Variants in HOOK1 observed in about 807,000 individuals in gnomAD.
The protein encoded by HOOK1 is protein Hook homolog 1.
Under a neutral mutation model 112.8 loss-of-function variants are expected in HOOK1, and 60 were observed. The ratio of observed to expected loss-of-function variants is 0.53; its 90% confidence interval spans 0.43 to 0.66. The LOEUF is 0.66. HOOK1 is among the 30% of genes least tolerant of loss of function. The probability of loss-of-function intolerance (pLI) is 0.00; values close to 1 mark genes in which losing one functional copy is unlikely to be tolerated. For missense variants in HOOK1, 770 were observed against 856.0 expected (o/e 0.90, Z 1.25); for synonymous variants, 294 against 283.8 (o/e 1.04, Z -0.36).
At chr1:59,848,619 G>A (rs762990572) in intron 11 of HOOK1, 103 bp downstream of exon 11, 86 of 751,112 alleles carry the variant, frequency 1.1e-4, no homozygotes, top group Non-Finnish European at 1.8e-4. Context: ...AGCGTTGCAT[G>A]TAATAAGCTA....
intron 10 of HOOK1, among the ~76,000 whole-genome samples, chr1:59,847,666 A>T (rs1010204480): frequency 6.6e-6 from 1 of 151,584 alleles, no homozygotes; most frequent in African/African-American, 2.4e-5. Context: ...GTGAAATGTT[A>T]CTCAGTGAAC....
At chr1:59,858,570 A>G in intron 13 of HOOK1, 55 bp downstream of exon 13, 2 of 1,148,992 alleles carry the variant, frequency 1.7e-6, no homozygotes, top group South Asian at 1.2e-5. Flanking sequence ...GTGGGACTCC[A>G]TTCAACAAAA....
rs758806053 is a variant in HOOK1 at position 59,865,256 on chromosome 1, G to A, written c.1744+11G>A. On this transcript the variant is annotated intron_variant, in intron 18 of 21. Transcript: ENST00000371208. The stretch of plus-strand genomic sequence containing the variant: ...ATATAAATCAAAATGGTAGGTATCT[G>A]TGAAAACTTGGATCAGACAACAGTA... 2.0e-6 allele frequency: 3 copies of A among 1,526,382 alleles called. No homozygotes were observed. The highest frequency in any genetic ancestry group is 1.8e-6 in the Non-Finnish European group (2 of 1,100,556). 94.6% of individuals were successfully genotyped at this position (1,526,382 alleles called of 1,614,324 possible). A position where few individuals can be genotyped will look rare whatever the true frequency, so the allele number is the denominator to read the frequency against.
chr1:59,817,491 T>C (rs1447336586), intron 1 of HOOK1, among the ~76,000 whole-genome samples: 1 of 152,224 alleles, frequency 6.6e-6, no homozygotes, highest in African/African-American at 2.4e-5. Context: ...GTCTTTTTTT[T>C]TTAATTAACT....
In HOOK1 at chr1:59,832,148, T is replaced by C. The variant is rs1445451790; in HGVS notation, c.223-15T>C. On this transcript the variant is annotated splice_polypyrimidine_tract_variant and intron_variant, in intron 3 of 21. Transcript: ENST00000371208. ...ATTAATCTGAAATAAGAATCTCTTA[T>C]TTTTTTCACATTAGGCCAGTAATGT... The C allele has an allele frequency of 2.1e-6, 3 of 1,412,502 alleles. No homozygotes were observed. The highest frequency in any genetic ancestry group is 2.9e-6 in the Non-Finnish European group (3 of 1,031,918). 87.5% of individuals were successfully genotyped at this position (1,412,502 alleles called of 1,614,324 possible). A position where few individuals can be genotyped will look rare whatever the true frequency, so the allele number is the denominator to read the frequency against.
chr1:59,843,520 A>G lies in HOOK1; in HGVS notation c.710A>G (p.Asp237Gly), dbSNP rs749166947. 1 of 1,610,412 alleles carries G rather than the reference A, an allele frequency of 6.2e-7. No individual in the cohort carries two copies. The highest frequency in any genetic ancestry group is 8.5e-7 in the Non-Finnish European group (1 of 1,177,858). The change falls in exon 9 of 22, where the codon GAT (aspartate) becomes GGT (glycine). Residue 237 changes from aspartate to glycine, a missense_variant. This residue lies in a region of HOOK1 where 655 missense variants were observed against 725.9 expected (regional missense o/e 0.90). Transcript: ENST00000371208. Reference sequence around the variant, plus strand: ...CTTGACCAGTTGGATGGCTCTTTTGATGATCCAAACACAGTGGTTGCAAAA... The same window carrying G: ...CTTGACCAGTTGGATGGCTCTTTTGGTGATCCAAACACAGTGGTTGCAAAA... ...EKLDQLDGSF[D>G]DPNTVVAKKY...
intron 1 of HOOK1, among the ~76,000 whole-genome samples, chr1:59,819,640 C>G (rs1409601392): frequency 6.6e-6 from 1 of 152,108 alleles, no homozygotes; most frequent in Non-Finnish European, 1.5e-5. Flanking sequence ...TGGAGGTAGT[C>G]CCTTAGCATG....
Position 59,848,336 on chromosome 1 carries a change from T to C in HOOK1, c.951T>C (p.Asn317=). The stretch of plus-strand genomic sequence containing the variant: ...ATAGGGCTACCTCTGATAAAGCAAA[T>C]AAACTGGAGTCAACAGTTGAGATAT... ...DVLRATSDKA[N]KLESTVEIYR... is the part of the protein sequence containing the mutation. The change falls in exon 11 of 22, where the codon AAT becomes AAC. Residue 317 remains asparagine (N), a synonymous_variant. Transcript: ENST00000371208. 6.2e-7 allele frequency: 1 copy of C among 1,610,696 alleles called. No homozygotes were observed. The highest frequency in any genetic ancestry group is 8.5e-7 in the Non-Finnish European group (1 of 1,177,698).
intron 9 of HOOK1, among the ~76,000 whole-genome samples, chr1:59,845,576 TG>T (rs1404522108): frequency 1.3e-5 from 2 of 151,780 alleles, no homozygotes; most frequent in African/African-American, 2.4e-5. Context: ...TTTTTGTTTT[TG>T]TTTTTTTTTT....
intron 14 of HOOK1, 88 bp downstream of exon 14, chr1:59,859,133 T>C: frequency 6.6e-6 from 3 of 457,146 alleles, no homozygotes; most frequent in Non-Finnish European, 1.1e-5. Flanking sequence ...AAAAACTTAT[T>C]TTATGACTCA....
In HOOK1 at chr1:59,864,615, T is replaced by G. The variant is rs1282096162; in HGVS notation, c.1627-17T>G. On this transcript the variant is annotated splice_polypyrimidine_tract_variant and intron_variant, in intron 16 of 21. Transcript: ENST00000371208. ...TCAAGATAGTCATCTTACAGCAATT[T>G]TTTTTAAATTTTATAGTCCAGCAAA... 1 of 1,505,884 alleles carries G rather than the reference T, an allele frequency of 6.6e-7. No homozygotes were observed. Among genetic ancestry groups the G allele is most frequent in the East Asian group, 2.3e-5 (1 of 43,872 alleles). 93.3% of individuals were successfully genotyped at this position (1,505,884 alleles called of 1,614,324 possible). A position where few individuals can be genotyped will look rare whatever the true frequency, so the allele number is the denominator to read the frequency against.
At chr1:59,818,473 C>T (rs555101311) in intron 1 of HOOK1, among the ~76,000 whole-genome samples, 1 of 152,254 alleles carries the variant, frequency 6.6e-6, no homozygotes, top group South Asian at 2.1e-4. Flanking sequence ...TGCTACTTAG[C>T]AGAAAATTCA....
At chr1:59,872,633 A>G (rs58717402) in intron 21 of HOOK1, among the ~76,000 whole-genome samples, 162 bp from the exon 22 acceptor site, 1,652 of 152,308 alleles carry the variant, frequency 0.011, 23 homozygotes, top group African/African-American at 0.037. Context: ...TAGCATTACC[A>G]TTTCATAGAT....
chr1:59,821,070 TG>T (rs2098385233), intron 1 of HOOK1, among the ~76,000 whole-genome samples: 1 of 152,092 alleles, frequency 6.6e-6, no homozygotes, highest in Admixed American at 6.5e-5. Flanking sequence ...AACAGTGAAA[TG>T]GGTGAGTATG....
chr1:59,822,819 A>G (rs778015688), intron 2 of HOOK1, among the ~76,000 whole-genome samples: 27 of 152,230 alleles, frequency 1.8e-4, no homozygotes, highest in Non-Finnish European at 3.5e-4. Context: ...CAAAAATCCT[A>G]TGCCTGTCTT....
intron 9 of HOOK1, among the ~76,000 whole-genome samples, chr1:59,845,494 T>C (rs1308049463): frequency 6.6e-6 from 1 of 151,928 alleles, no homozygotes; most frequent in Non-Finnish European, 1.5e-5. Context: ...AGTATGATGC[T>C]AGCTGTAGAG....
At chr1:59,833,615 A>G (rs2102021249) in intron 5 of HOOK1, 78 bp downstream of exon 5, 1 of 1,214,818 alleles carries the variant, frequency 8.2e-7, no homozygotes, top group Non-Finnish European at 1.1e-6. Flanking sequence ...GCATTAAATC[A>G]TACTATTAAA....
At chr1:59,841,150 T>C (rs926894984) in intron 8 of HOOK1, among the ~76,000 whole-genome samples, 2 of 152,174 alleles carry the variant, frequency 1.3e-5, no homozygotes, top group African/African-American at 4.8e-5. Flanking sequence ...ATTGTTTGCA[T>C]ATGATGTTAC....
At chr1:59,856,094 G>A (rs1331112898) in intron 12 of HOOK1, among the ~76,000 whole-genome samples, 3 of 124,708 alleles carry the variant, frequency 2.4e-5, no homozygotes, top group Non-Finnish European at 4.9e-5. Context: ...TGAATTGTTT[G>A]TTTGTTTGTT....
Sources: gnomAD v4.1 joint callset for allele counts (sites outside exome capture counted in the v4.1 genomes callset) on GRCh38, gnomAD v4.1.1 for gene constraint, gnomAD v4.1.1 regional missense constraint, MANE v1.5 for transcripts, NCBI Gene and HGNC (gene_info 2026-07-23, HGNC 2026-07-21) for gene names.